NECTIN3: variants seen among roughly 807,000 people sequenced by gnomAD.
NECTIN3 encodes nectin cell adhesion molecule 3.
In NECTIN3, 8 loss-of-function variants were observed where a neutral mutation model predicts 49.4. The ratio of observed to expected loss-of-function variants is 0.16; its 90% CI spans 0.10 to 0.29. NECTIN3 has a LOEUF of 0.29. Ranked by LOEUF, NECTIN3 falls within the 10% of genes least tolerant of loss-of-function variation. The pLI is 1.00. For missense variants in NECTIN3, 581 were observed against 654.6 expected (o/e 0.89, Z 1.23); for synonymous variants, 277 against 241.1 (o/e 1.15, Z -1.38).
chr3:111,093,697 A>G (rs1576088551), intron 1 of NECTIN3, among the ~76,000 whole-genome samples: 1 of 152,106 alleles, frequency 6.6e-6, no homozygotes, highest in Admixed American at 6.5e-5. Flanking sequence ...GAGCCTCCCA[A>G]AGTGCTGGGA....
intron 7 of NECTIN3, among the ~76,000 whole-genome samples, chr3:111,151,826 C>T (rs1382078): frequency 0.15 from 23,151 of 151,430 alleles, 3,887 homozygotes; most frequent in African/African-American, 0.42. Flanking sequence ...ATAATACATA[C>T]AAAACAATAT....
At chr3:111,123,903 A>G (rs941648149) in intron 4 of NECTIN3, among the ~76,000 whole-genome samples, 4 of 152,160 alleles carry the variant, frequency 2.6e-5, no homozygotes, top group Non-Finnish European at 5.9e-5. Context: ...ACACTGACCT[A>G]AGGCATATAT....
downstream of NECTIN3, among the ~76,000 whole-genome samples, chr3:111,138,598 C>A (rs1208545422): frequency 1.3e-5 from 2 of 151,380 alleles, no homozygotes; most frequent in African/African-American, 4.8e-5. Context: ...TTTCTTGAAC[C>A]TTCGTGACAG....
chr3:111,112,262 A>G lies in NECTIN3; in HGVS notation c.393A>G (p.Ala131=). The change falls in exon 2 of 6, where the codon GCA becomes GCG. Residue 131 remains alanine, a synonymous_variant. Coordinates refer to ENST00000485303, the MANE Select transcript of NECTIN3 (RefSeq NM_015480.3). ...VLFKNYSLND[A]TITLHNIGFS... The stretch of plus-strand genomic sequence containing the variant: ...TTAAAAATTACTCACTTAATGATGC[A>G]ACAATTACTCTGCATAACATAGGAT... 1.2e-6 allele frequency: 2 copies of G among 1,613,686 alleles called. No individual in the cohort carries two copies. The highest frequency in any genetic ancestry group is 1.1e-5 in the South Asian group (1 of 91,084).
chr3:111,140,540 G>A (rs955318845), downstream of NECTIN3, among the ~76,000 whole-genome samples: 1 of 151,744 alleles, frequency 6.6e-6, no homozygotes, highest in East Asian at 1.9e-4. Flanking sequence ...ATGATACTAT[G>A]AATAAACTCT....
intron 1 of NECTIN3, among the ~76,000 whole-genome samples, chr3:111,082,220 C>G (rs2031654612): frequency 1.3e-5 from 2 of 152,026 alleles, no homozygotes; most frequent in African/African-American, 4.8e-5. Flanking sequence ...GTTTCACATG[C>G]ATTTGTGGTG....
chr3:111,106,754 TGAG>T (rs2033198251), intron 1 of NECTIN3, among the ~76,000 whole-genome samples: 1 of 152,160 alleles, frequency 6.6e-6, no homozygotes, highest in African/African-American at 2.4e-5. Context: ...TTCTAAATTT[TGAG>T]GAGTCTGAAA....
intron 5 of NECTIN3, among the ~76,000 whole-genome samples, chr3:111,143,966 A>T (rs567072228): frequency 4.4e-4 from 67 of 152,184 alleles, no homozygotes; most frequent in Non-Finnish European, 6.8e-4. Context: ...GAACTTTGTA[A>T]TTCACAAATT....
chr3:111,136,271 G>A lies in NECTIN3; in HGVS notation c.*2056G>A. 1 of 965,622 alleles carries A rather than the reference G, an allele frequency of 1.0e-6. No individual in the cohort carries two copies. The highest frequency in any genetic ancestry group is 4.8e-5 in the South Asian group (1 of 20,876). 59.8% of individuals were successfully genotyped at this position (965,622 alleles called of 1,614,324 possible). ...GTATAATCTGAAGGAAATTAGCAGT[G>A]TATTTTAAGAAATATATTTCAAAAA... On this transcript the variant is annotated 3_prime_UTR_variant, in exon 6 of 6. Coordinates refer to ENST00000485303, the MANE Select transcript of NECTIN3 (RefSeq NM_015480.3).
At chr3:111,188,046 G>A (rs984760995), upstream of NECTIN3, among the ~76,000 whole-genome samples, 2 of 152,082 alleles carry the variant, frequency 1.3e-5, no homozygotes, top group African/African-American at 4.8e-5. Context: ...GAATATGTGG[G>A]AATTATTTGT....
chr3:111,177,155 A>AT (rs1006636620), intron 7 of NECTIN3, among the ~76,000 whole-genome samples: 2 of 152,230 alleles, frequency 1.3e-5, no homozygotes, highest in Admixed American at 1.3e-4. Flanking sequence ...TCAAAAAGAC[A>AT]TAAAAATTAA....
intron 2 of NECTIN3, 37 bp from the exon 3 acceptor site, chr3:111,118,619 T>G: frequency 6.8e-7 from 1 of 1,464,818 alleles, no homozygotes; most frequent in Non-Finnish European, 9.1e-7. Context: ...ATATTCTTGT[T>G]TGAATGTAAC....
chr3:111,156,225 A>G (rs2035094984), intron 7 of NECTIN3, among the ~76,000 whole-genome samples: 1 of 152,196 alleles, frequency 6.6e-6, no homozygotes, highest in African/African-American at 2.4e-5. Flanking sequence ...AGTGTCTTAG[A>G]ACAAATTTGT....
intron 7 of NECTIN3, among the ~76,000 whole-genome samples, chr3:111,151,158 A>G (rs1160762586): frequency 1.3e-5 from 2 of 151,954 alleles, no homozygotes; most frequent in Admixed American, 6.6e-5. Context: ...TCAAAATTGT[A>G]TATTTTTATG....
At chr3:111,145,020 A>G in exon 6 of NECTIN3, 1 of 1,536,444 alleles carries the variant, frequency 6.5e-7, no homozygotes, top group Non-Finnish European at 8.7e-7. Flanking sequence ...AAAAAAGACC[A>G]TCCTATCTTG....
chr3:111,085,950 A>G (rs990106017), intron 1 of NECTIN3, among the ~76,000 whole-genome samples: 6 of 152,240 alleles, frequency 3.9e-5, no homozygotes, highest in African/African-American at 9.6e-5. Context: ...GAGAGTTTCA[A>G]TTGCTCTACA....
chr3:111,105,825 G>A (rs1043708224), intron 1 of NECTIN3, among the ~76,000 whole-genome samples: 1 of 152,146 alleles, frequency 6.6e-6, no homozygotes, highest in Non-Finnish European at 1.5e-5. Flanking sequence ...TTTGTTGCCT[G>A]TTGACTGTTA....
At chr3:111,106,506 A>G (rs2033188483) in intron 1 of NECTIN3, among the ~76,000 whole-genome samples, 1 of 152,072 alleles carries the variant, frequency 6.6e-6, no homozygotes, top group Non-Finnish European at 1.5e-5. Flanking sequence ...TTACATGGTT[A>G]TTTCTGTTTG....
At chr3:111,132,284 G>T (rs1019716901) in intron 5 of NECTIN3, among the ~76,000 whole-genome samples, 1 of 151,740 alleles carries the variant, frequency 6.6e-6, no homozygotes, top group African/African-American at 2.4e-5. Context: ...TAGTTATATT[G>T]TACTTATTAA....
Sources: allele counts gnomAD v4.1 joint callset (sites outside exome capture counted in the v4.1 genomes callset), GRCh38; gene constraint gnomAD v4.1.1; transcripts MANE v1.5; gene names NCBI Gene and HGNC (gene_info 2026-07-23, HGNC 2026-07-21).